CDH18: variants seen among roughly 807,000 people sequenced by gnomAD.
CDH18 encodes cadherin-18.
In CDH18, 31 loss-of-function variants were observed where a neutral mutation model predicts 67.9. The ratio of observed to expected loss-of-function variants is 0.46; its 90% CI spans 0.34 to 0.62. The LOEUF is 0.62. CDH18 is among the 20% of genes least tolerant of loss of function. CDH18 has a pLI of 0.01. For missense variants in CDH18, 890 were observed against 975.5 expected (o/e 0.91, Z 1.17); for synonymous variants, 362 against 347.2 (o/e 1.04, Z -0.48).
chr5:19,826,353 A>C (rs1780405700), intron 3 of CDH18, among the ~76,000 whole-genome samples: 1 of 152,190 alleles, frequency 6.6e-6, no homozygotes, highest in Admixed American at 6.5e-5. Flanking sequence ...AAGGAGGCCA[A>C]CACTCAAATC....
At chr5:20,064,195 C>T (rs1039304467) in intron 2 of CDH18, among the ~76,000 whole-genome samples, 4 of 152,126 alleles carry the variant, frequency 2.6e-5, no homozygotes, top group Admixed American at 6.6e-5. Context: ...CACTGCACAT[C>T]AAATGGCAGT....
chr5:19,897,258 C>T (rs1228639308), intron 2 of CDH18, among the ~76,000 whole-genome samples: 1 of 151,942 alleles, frequency 6.6e-6, no homozygotes, highest in African/African-American at 2.4e-5. Context: ...AAGAAATGGG[C>T]AAAATGTTTA....
intron 5 of CDH18, among the ~76,000 whole-genome samples, chr5:19,679,772 C>T (rs1207440088): frequency 6.6e-6 from 1 of 151,832 alleles, no homozygotes; most frequent in Non-Finnish European, 1.5e-5. Flanking sequence ...CTATAAAATA[C>T]TGCTGAAAGA....
At chr5:19,485,756 C>A (rs576744257) in intron 11 of CDH18, among the ~76,000 whole-genome samples, 2 of 152,206 alleles carry the variant, frequency 1.3e-5, no homozygotes, top group South Asian at 2.1e-4. Context: ...TAAGTATTCA[C>A]GGGCACAAAC....
intron 2 of CDH18, among the ~76,000 whole-genome samples, chr5:19,961,320 A>T (rs1293244643): frequency 6.6e-6 from 1 of 151,576 alleles, no homozygotes; most frequent in African/African-American, 2.4e-5. Context: ...TGTTGGCCAG[A>T]CTGGTCTCAA....
In CDH18 at chr5:19,984,703, T is replaced by C. The variant is rs532605285; in HGVS notation, c.-376+3383A>G. ...CTTGTATATTGGGTTTTTACACCTA[T>C]TATCATCACCTTTTATGGATAAAGA... is the stretch of plus-strand genomic sequence containing the variant. On this transcript the variant is annotated intron_variant, in intron 1 of 12. Coordinates refer to ENST00000382275, the MANE Select transcript of CDH18 (RefSeq NM_004934.5). Among the ~76,000 whole-genome samples the C allele has an allele frequency of 2.0e-5, 3 of 152,268 alleles. No individual in the cohort carries two copies. The South Asian group carries it at 6.2e-4, about 32-fold the overall frequency.
chr5:20,290,778 T>C (rs919633841), intron 1 of CDH18, among the ~76,000 whole-genome samples: 1 of 151,972 alleles, frequency 6.6e-6, no homozygotes, highest in African/African-American at 2.4e-5. Flanking sequence ...AAAAACGAAA[T>C]AGCAAATGGA....
chr5:20,269,920 A>G (rs1193142940), intron 1 of CDH18, among the ~76,000 whole-genome samples: 1 of 152,100 alleles, frequency 6.6e-6, no homozygotes, highest in African/African-American at 2.4e-5. Flanking sequence ...AAATAAAGAT[A>G]GCTCAATAAT....
intron 2 of CDH18, among the ~76,000 whole-genome samples, chr5:20,044,241 G>A (rs774053187): frequency 2.0e-5 from 3 of 152,022 alleles, no homozygotes; most frequent in African/African-American, 4.8e-5. Flanking sequence ...ATACAATGGG[G>A]ATGCACAGAT....
chr5:20,111,118 A>T (rs1469128696), intron 2 of CDH18, among the ~76,000 whole-genome samples: 2 of 152,198 alleles, frequency 1.3e-5, no homozygotes, highest in Non-Finnish European at 2.9e-5. Flanking sequence ...TTCCTATACA[A>T]TTATAGTTTA....
At chr5:19,882,319 A>G (rs1203280346) in intron 2 of CDH18, among the ~76,000 whole-genome samples, 5 of 152,152 alleles carry the variant, frequency 3.3e-5, no homozygotes, top group African/African-American at 1.2e-4. Context: ...TGTATATAAC[A>G]TTTAGGTAGA....
chr5:20,288,965 C>T (rs996252444), intron 1 of CDH18, among the ~76,000 whole-genome samples: 27 of 151,866 alleles, frequency 1.8e-4, no homozygotes, highest in Admixed American at 1.4e-3. Flanking sequence ...AGACTTTTAA[C>T]GAATTGTGAT....
chr5:20,130,314 G>A (rs1749163203), intron 2 of CDH18, among the ~76,000 whole-genome samples: 1 of 151,356 alleles, frequency 6.6e-6, no homozygotes, highest in South Asian at 2.1e-4. Flanking sequence ...AAAATCCTCT[G>A]GGCAGTCTGA....
rs569051046 is a variant in CDH18, at chr5:19,932,364, A to G, written c.-257+48696T>C. On this transcript the variant is annotated intron_variant, in intron 2 of 12. Coordinates refer to ENST00000382275, the MANE Select transcript of CDH18 (RefSeq NM_004934.5). ...TTATTTAGCTCCTTTTTAAAAAACA[A>G]TCTCACTCAGATATTCTCTACAACA... is the stretch of plus-strand genomic sequence containing the variant. Among the ~76,000 whole-genome samples the G allele has an allele frequency of 2.0e-4, 30 of 151,866 alleles. No homozygotes were observed. The East Asian group carries it at 3.3e-3, about 17-fold the overall frequency.
At chr5:19,881,905 T>C (rs1787701488) in intron 2 of CDH18, among the ~76,000 whole-genome samples, 1 of 152,158 alleles carries the variant, frequency 6.6e-6, no homozygotes, top group Non-Finnish European at 1.5e-5. Flanking sequence ...ATTATAACCA[T>C]GTTGAACTAT....
At chr5:20,183,771 A>G (rs1737879523) in intron 2 of CDH18, among the ~76,000 whole-genome samples, 1 of 152,114 alleles carries the variant, frequency 6.6e-6, no homozygotes, top group African/African-American at 2.4e-5. Context: ...CTCTTGTACC[A>G]AGCAGACTGT....
chr5:20,263,795 C>A (rs1396596408), intron 1 of CDH18, among the ~76,000 whole-genome samples: 2 of 152,054 alleles, frequency 1.3e-5, no homozygotes, highest in African/African-American at 4.8e-5. Flanking sequence ...TCACAACTAT[C>A]TGAAAAAGGA....
intron 5 of CDH18, among the ~76,000 whole-genome samples, chr5:19,642,790 A>G (rs1343087753): frequency 6.6e-6 from 1 of 152,104 alleles, no homozygotes; most frequent in Non-Finnish European, 1.5e-5. Flanking sequence ...TAATTACCCC[A>G]AAGACACAGG....
chr5:20,186,964 A>G (rs1738151375), intron 2 of CDH18, among the ~76,000 whole-genome samples: 1 of 151,956 alleles, frequency 6.6e-6, no homozygotes, highest in Non-Finnish European at 1.5e-5. Flanking sequence ...ACCCAGCCTT[A>G]AAAAGTAAGG....
Sources: allele counts gnomAD v4.1 joint callset (sites outside exome capture counted in the v4.1 genomes callset), GRCh38; gene constraint gnomAD v4.1.1; transcripts MANE v1.5; gene names NCBI Gene and HGNC (gene_info 2026-07-23, HGNC 2026-07-21).